The following SLC25A21 variants were observed in gnomAD, a reference collection of about 807,000 sequenced individuals.
SLC25A21 encodes the protein mitochondrial 2-oxodicarboxylate carrier.
Under a neutral mutation model 43.8 loss-of-function variants are expected in SLC25A21, and 47 were observed. The ratio of observed to expected loss-of-function variants is 1.07; its 90% CI spans 0.85 to 1.37. The LOEUF (loss-of-function observed/expected upper bound fraction) is 1.37, where lower values mean the gene tolerates loss of function less well. Ranked by LOEUF, SLC25A21 falls within the 40% of genes most tolerant of loss-of-function variation. The pLI is 0.00. For synonymous variants in SLC25A21, 131 were observed against 121.3 expected (o/e 1.08, Z -0.52); for missense variants, 352 against 350.2 (o/e 1.00, Z -0.04).
intron 1 of SLC25A21, among the ~76,000 whole-genome samples, chr14:36,984,456 T>A (rs1960101037): frequency 6.6e-6 from 1 of 152,184 alleles, no homozygotes; most frequent in Admixed American, 6.5e-5. Flanking sequence ...TCAACTTTTT[T>A]ATTTTTACAA....
At chr14:36,720,105 C>T (rs1884316173) in intron 6 of SLC25A21, among the ~76,000 whole-genome samples, 1 of 152,232 alleles carries the variant, frequency 6.6e-6, no homozygotes, top group Admixed American at 6.5e-5. Context: ...GGGACATCCA[C>T]CTACATCCCA....
chr14:36,955,355 A>T (rs181029358), intron 1 of SLC25A21, among the ~76,000 whole-genome samples: 11 of 152,328 alleles, frequency 7.2e-5, no homozygotes, highest in Middle Eastern at 3.4e-3. Context: ...TTACTTTTGT[A>T]CTGTGATAAT....
At chr14:37,153,970 T>C (rs1430203476) in intron 1 of SLC25A21, among the ~76,000 whole-genome samples, 1 of 152,158 alleles carries the variant, frequency 6.6e-6, no homozygotes, top group Non-Finnish European at 1.5e-5. Context: ...TCTGCCATCA[T>C]CCATGCTATA....
intron 2 of SLC25A21, among the ~76,000 whole-genome samples, chr14:36,848,501 C>T (rs1377348292): frequency 2.0e-5 from 3 of 152,246 alleles, no homozygotes; most frequent in South Asian, 2.1e-4. Context: ...AGAGGGAGGA[C>T]GCAGATTCTC....
At chr14:36,723,912 G>C (rs897816983) in intron 6 of SLC25A21, among the ~76,000 whole-genome samples, 1 of 141,788 alleles carries the variant, frequency 7.1e-6, no homozygotes, top group African/African-American at 2.8e-5. Flanking sequence ...GCTGCTTCAA[G>C]ACAAGCTTCC....
At chr14:37,146,969 C>T (rs188567653) in intron 1 of SLC25A21, among the ~76,000 whole-genome samples, 29 of 152,300 alleles carry the variant, frequency 1.9e-4, no homozygotes, top group African/African-American at 6.7e-4. Context: ...AACCTTAATG[C>T]CTCCTAATTC....
rs756470492 is a variant in SLC25A21, at chr14:36,813,965, A to T, written c.156T>A (p.Ser52Arg). ...QIQRCATDPNSYKSLVDSFRM... is the reference protein window; with the variant it reads ...QIQRCATDPNRYKSLVDSFRM... ...GAAAGCTGTCTACCAAGCTTTTATA[A>T]CTGTTTGGATCGGTTGCACATCTCT... Residue 52 changes from serine to arginine, a missense_variant, in exon 3 of 10, where the codon AGT becomes AGA. By Grantham distance (110) the Ser-to-Arg change is moderately radical. Transcript: ENST00000331299. The T allele has an allele frequency of 3.7e-5, 59 of 1,610,592 alleles. No individual in the cohort carries two copies. The highest frequency in any genetic ancestry group is 4.9e-5 in the Non-Finnish European group (58 of 1,179,202).
chr14:37,125,128 G>C (rs943440211), intron 1 of SLC25A21, among the ~76,000 whole-genome samples: 3 of 152,170 alleles, frequency 2.0e-5, no homozygotes, highest in Admixed American at 6.6e-5. Context: ...TCTAGTCCTG[G>C]TTATGCTACT....
Position 36,678,615 on chromosome 14 carries a change from A to ATTCT in SLC25A21, c.*2039_*2042dup, listed in dbSNP as rs1433451866. ...AAAAACTGATGTAAGGTACAGAACTATTCTTTATCAAATGTTTTTAGGTGG... is the reference window on the plus strand; with the variant it reads ...AAAAACTGATGTAAGGTACAGAACTATTCTTTCTTTATCAAATGTTTTTAGGTGG... On this transcript the variant is annotated 3_prime_UTR_variant, in exon 10 of 10. Transcript: ENST00000331299. 11 of 1,335,264 alleles carry ATTCT rather than the reference A, an allele frequency of 8.2e-6. No individual in the cohort carries two copies. In the African/African-American group the frequency reaches 1.5e-4, roughly 18 times the overall value. 82.7% of individuals were successfully genotyped at this position (1,335,264 alleles called of 1,614,324 possible). A position where few individuals can be genotyped will look rare whatever the true frequency, so the allele number is the denominator to read the frequency against.
intron 2 of SLC25A21, among the ~76,000 whole-genome samples, chr14:36,824,836 C>A (rs1160266248): frequency 3.0e-5 from 4 of 133,988 alleles, no homozygotes; most frequent in East Asian, 2.4e-4. Flanking sequence ...CCTCAAGGAA[C>A]TGTGATGGGG....
At position 36,978,911 on chromosome 14, in the gene SLC25A21, T is replaced by C. The variant is rs543923192; in HGVS notation, c.71-103907A>G. On this transcript the variant is annotated intron_variant, in intron 1 of 9. Transcript: ENST00000331299. The stretch of plus-strand genomic sequence containing the variant: ...TTTACTGAGCTGGGCAACATAGCAA[T>C]ACCTTGTCTCTACTAAAAATACAAA... Among the ~76,000 whole-genome samples the C allele has an allele frequency of 2.3e-3, 346 of 152,186 alleles. 4 individuals are homozygous for C. The highest frequency in any genetic ancestry group is 0.012 in the South Asian group (56 of 4,826).
At chr14:37,150,764 G>GCTGT (rs1438760985) in intron 1 of SLC25A21, among the ~76,000 whole-genome samples, 3 of 152,096 alleles carry the variant, frequency 2.0e-5, no homozygotes, top group Non-Finnish European at 2.9e-5. Flanking sequence ...AATCAAATGT[G>GCTGT]CTGTCCTAGG....
At chr14:36,801,495 G>C (rs1361407074) in intron 3 of SLC25A21, among the ~76,000 whole-genome samples, 1 of 152,126 alleles carries the variant, frequency 6.6e-6, no homozygotes, top group Non-Finnish European at 1.5e-5. Context: ...AAAAATCCTG[G>C]GTGAATGTGG....
intron 2 of SLC25A21, among the ~76,000 whole-genome samples, chr14:36,851,308 G>C (rs564061929): frequency 6.6e-6 from 1 of 152,282 alleles, no homozygotes; most frequent in Non-Finnish European, 1.5e-5. Flanking sequence ...AACCGAGGAC[G>C]GAAACCTGCA....
chr14:37,017,364 C>T (rs1198631736), intron 1 of SLC25A21, among the ~76,000 whole-genome samples: 1 of 152,008 alleles, frequency 6.6e-6, no homozygotes, highest in Non-Finnish European at 1.5e-5. Context: ...GTCTGTGGAG[C>T]AGTCAGAACA....
At chr14:36,964,398 C>T (rs1032822397) in intron 1 of SLC25A21, among the ~76,000 whole-genome samples, 6 of 152,166 alleles carry the variant, frequency 3.9e-5, no homozygotes, top group African/African-American at 1.4e-4. Context: ...CTCTGGGCCA[C>T]AGCCATTGCA....
intron 3 of SLC25A21, among the ~76,000 whole-genome samples, chr14:36,789,176 T>C (rs576082330): frequency 6.6e-6 from 1 of 152,126 alleles, no homozygotes; most frequent in South Asian, 2.1e-4. Flanking sequence ...TTTCAGGGAG[T>C]TGAATTATTT....
At chr14:36,764,117 AAGGAAAGAAGGAAAGAAGGAAAGAAG>A (rs2139285004) in intron 3 of SLC25A21, among the ~76,000 whole-genome samples, 1 of 52,082 alleles carries the variant, frequency 1.9e-5, no homozygotes, top group Non-Finnish European at 3.4e-5. Context: ...GGAAGGAAAG[AAGGAAAGAAGGAAAGAAGGAAAGAAG>A]GAAAGAAAGA....
intron 6 of SLC25A21, among the ~76,000 whole-genome samples, chr14:36,713,990 G>C (rs910376922): frequency 2.6e-5 from 4 of 151,966 alleles, no homozygotes; most frequent in Non-Finnish European, 5.9e-5. Context: ...GGATGACAGA[G>C]TGAAAGCAAG....
Sources: gnomAD v4.1 joint callset for allele counts (sites outside exome capture counted in the v4.1 genomes callset) on GRCh38, gnomAD v4.1.1 for gene constraint, MANE v1.5 for transcripts, NCBI Gene and HGNC (gene_info 2026-07-23, HGNC 2026-07-21) for gene names.